Variants in BEGAIN observed in about 807,000 individuals in gnomAD.
BEGAIN encodes the protein brain-enriched guanylate kinase-associated protein.
Under a neutral mutation model 35.8 loss-of-function variants are expected in BEGAIN, and 19 were observed. The ratio of observed to expected loss-of-function variants is 0.53; its 90% CI spans 0.37 to 0.78. The LOEUF (loss-of-function observed/expected upper bound fraction) is 0.78, where lower values mean the gene tolerates loss of function less well. BEGAIN is among the 30% of genes least tolerant of loss of function. BEGAIN has a pLI of 0.00. For missense variants in BEGAIN, 795 were observed against 853.6 expected, an observed-to-expected ratio of 0.93 and a Z score of 0.85; for synonymous variants, 462 against 388.6, an observed-to-expected ratio of 1.19 and a Z score of -2.22.
chr14:100,586,033 G>A lies in BEGAIN; in HGVS notation c.42+1216C>T, dbSNP rs1334444710. On this transcript the variant is annotated intron_variant, in intron 1 of 6. Transcript: ENST00000554140. This position sits in a 1 kb window ranked among gnomAD's most constrained non-coding sequence, Gnocchi z 4.9. ...CTGGGGCCCTCTCTGCCGTCTCCCC[G>A]CCCTGCGTGTCACAGATGCCAGGCA... Among the ~76,000 whole-genome samples the A allele has an allele frequency of 6.6e-6, 1 of 152,202 alleles. No individual in the cohort carries two copies. The highest frequency in any genetic ancestry group is 2.4e-5 in the African/African-American group (1 of 41,464).
chr14:100,538,429 G>A lies in BEGAIN; in HGVS notation c.1379C>T (p.Pro460Leu), dbSNP rs1266598895. ...GTAGTAGCGTTCAGAGAAGCTGCAG[G>A]GTGAGGCGCGGCCGGCAGCGCTCAC... Reference protein sequence around the residue: ...YPVSAAGRASPCSFSERYYGG... With the variant: ...YPVSAAGRASLCSFSERYYGG... The change falls in exon 7 of 7, where the codon CCC becomes CTC. Residue 460 changes from proline to leucine, a missense_variant. This residue lies in a region of BEGAIN where 664 missense variants were observed against 647.7 expected (regional missense o/e 1.03). Transcript: ENST00000554140. 6 of 1,586,552 alleles carry A rather than the reference G, an allele frequency of 3.8e-6. No individual in the cohort carries two copies. Among genetic ancestry groups the A allele is most frequent in the African/African-American group, 2.7e-5 (2 of 73,444 alleles).
At chr14:100,572,392 G>A (rs904360189) in intron 1 of BEGAIN, among the ~76,000 whole-genome samples, 5 of 152,190 alleles carry the variant, frequency 3.3e-5, no homozygotes, top group Non-Finnish European at 7.3e-5. Context: ...GGTGAGGAGT[G>A]CCATGCCAAG....
At position 100,539,055 on chromosome 14, in the gene BEGAIN, G is replaced by A. The variant is rs2031125341; in HGVS notation, c.753C>T (p.Ala251=). The change falls in exon 7 of 7, where the codon GCC becomes GCT. Residue 251 remains alanine, a synonymous_variant. Coordinates refer to ENST00000554140, the MANE Select transcript of BEGAIN (RefSeq NM_001385089.1). ...GCCGCCGCTCCTCCGGGCAGTAGAG[G>A]GCTGTGTCACTGCAGTAGATGTCTC... ...YKGDIYCSDT[A]LYCPEERRRD... 1.9e-6 allele frequency: 3 copies of A among 1,612,530 alleles called. No homozygotes were observed. The highest frequency in any genetic ancestry group is 2.5e-6 in the Non-Finnish European group (3 of 1,179,642).
At chr14:100,564,116 C>T (rs868443345) in intron 2 of BEGAIN, among the ~76,000 whole-genome samples, 10 of 124,584 alleles carry the variant, frequency 8.0e-5, no homozygotes, top group Admixed American at 3.3e-4. Context: ...AGGGGCTGGC[C>T]GGGAGCAGGA....
At chr14:100,541,147 C>T (rs1434631620) in intron 5 of BEGAIN, among the ~76,000 whole-genome samples, 3 of 152,260 alleles carry the variant, frequency 2.0e-5, no homozygotes, top group Non-Finnish European at 2.9e-5. Flanking sequence ...CCCAGGCGGG[C>T]GCTGGCTCAG....
Position 100,558,044 on chromosome 14 carries a change from C to T in BEGAIN, c.71+9867G>A, listed in dbSNP as rs2033915277. Among the ~76,000 whole-genome samples the T allele has an allele frequency of 6.6e-6, 1 of 152,170 alleles. No individual in the cohort carries two copies. The highest frequency in any genetic ancestry group is 1.5e-5 in the Non-Finnish European group (1 of 68,028). ...TGGCTTCCCCCAGCTGCAGGTGGGGCTCCAGCTAGTCTCCCTCGCTCCTGA... is the reference window on the plus strand; with the variant it reads ...TGGCTTCCCCCAGCTGCAGGTGGGGTTCCAGCTAGTCTCCCTCGCTCCTGA... On this transcript the variant is annotated intron_variant, in intron 2 of 6. Coordinates refer to ENST00000554140, the MANE Select transcript of BEGAIN (RefSeq NM_001385089.1). This position sits in a 1 kb window ranked among gnomAD's most constrained non-coding sequence, Gnocchi z 4.6.
chr14:100,560,169 C>G (rs777766508), intron 2 of BEGAIN, among the ~76,000 whole-genome samples: 13 of 152,218 alleles, frequency 8.5e-5, no homozygotes, highest in Non-Finnish European at 1.9e-4. Flanking sequence ...GCTTGGCACT[C>G]AAGCTCTCAG....
In BEGAIN at chr14:100,537,894, G is replaced by C. The variant is rs973852779; in HGVS notation, c.*75C>G. On this transcript the variant is annotated 3_prime_UTR_variant, in exon 7 of 7. Coordinates refer to ENST00000554140, the MANE Select transcript of BEGAIN (RefSeq NM_001385089.1). ...GGGCAGGGGAACAGCGGGGGCTGGGGAGAGGTGAGGCCGGCCCTTCTGGGG... is the reference window on the plus strand; with the variant it reads ...GGGCAGGGGAACAGCGGGGGCTGGGCAGAGGTGAGGCCGGCCCTTCTGGGG... 6.7e-7 allele frequency: 1 copy of C among 1,503,666 alleles called. No individual in the cohort carries two copies. Among genetic ancestry groups the C allele is most frequent in the Non-Finnish European group, 8.9e-7 (1 of 1,125,168 alleles). The allele number at this position is 1,503,666 out of a possible 1,614,324, so 93.1% of individuals were successfully genotyped here.
intron 2 of BEGAIN, among the ~76,000 whole-genome samples, chr14:100,560,175 C>T (rs753931344): frequency 1.3e-5 from 2 of 152,220 alleles, no homozygotes; most frequent in Admixed American, 6.5e-5. Flanking sequence ...CACTCAAGCT[C>T]TCAGAGCCTC....
rs77385524 is a variant in BEGAIN at position 100,576,735 on chromosome 14, C to T, written c.43-8796G>A. The stretch of plus-strand genomic sequence containing the variant: ...GCCCCTGGATGAGGTCCCATTTGCC[C>T]GACGCTCTGCACAGCTCCATCACCA... On this transcript the variant is annotated intron_variant, in intron 1 of 6. Coordinates refer to ENST00000554140, the MANE Select transcript of BEGAIN (RefSeq NM_001385089.1). Among the ~76,000 whole-genome samples the T allele has an allele frequency of 3.4e-3, 513 of 152,284 alleles. 8 individuals are homozygous for T. The highest frequency in any genetic ancestry group is 0.032 in the East Asian group (168 of 5,182).
intron 1 of BEGAIN, among the ~76,000 whole-genome samples, chr14:100,578,321 G>A (rs577201082): frequency 9.2e-5 from 14 of 152,366 alleles, no homozygotes; most frequent in African/African-American, 3.4e-4. Context: ...GTGCGGTGCA[G>A]GGTGCAGGGG....
chr14:100,581,898 G>T (rs1469705561), intron 1 of BEGAIN, among the ~76,000 whole-genome samples: 2 of 152,220 alleles, frequency 1.3e-5, no homozygotes, highest in South Asian at 4.1e-4. Context: ...CCTGCCGAGT[G>T]GGCAGGCATG....
At chr14:100,557,150 C>T (rs1006325730) in intron 2 of BEGAIN, among the ~76,000 whole-genome samples, 7 of 149,280 alleles carry the variant, frequency 4.7e-5, no homozygotes, top group Non-Finnish European at 8.8e-5. Context: ...CAGCCACACC[C>T]GAGTCAGGGC....
At position 100,538,657 on chromosome 14, in the gene BEGAIN, G is replaced by T; in HGVS notation, c.1151C>A (p.Ala384Asp). 6.5e-7 allele frequency: 1 copy of T among 1,550,326 alleles called. No homozygotes were observed. Among genetic ancestry groups the T allele is most frequent in the Non-Finnish European group, 8.7e-7 (1 of 1,146,790 alleles). The change falls in exon 7 of 7, where the codon GCC becomes GAC. Residue 384 changes from alanine (A) to aspartate (D), a missense_variant. Physicochemically the swap from Ala to Asp is moderately radical, Grantham distance 126 (BLOSUM62 -2). Around this residue, in one of 3 missense-constraint regions of BEGAIN, gnomAD observed 664 missense variants for 647.7 expected, o/e 1.03. Coordinates refer to ENST00000554140, the MANE Select transcript of BEGAIN (RefSeq NM_001385089.1). ...TGACATGGTCCGCCCGAAGCCTGGG[G>T]CCACTTCGGCCTCCAGCGGGGCCGC... is the stretch of plus-strand genomic sequence containing the variant. ...AVAAPLEAEV[A>D]PGFGRTMSPY...
chr14:100,543,867 T>C lies in BEGAIN; in HGVS notation c.399A>G (p.Ser133=), dbSNP rs4073549. Residue 133 remains serine (S), a synonymous_variant, in exon 5 of 7, where the codon TCA becomes TCG. Transcript: ENST00000554140. ...LEAKVTIDKL[S]EDNELYRKDC... ...TGTGTGCGGCACTCACGTTGTCCTC[T>C]GACAGCTTGTCGATGGTCACCTTGG... is the stretch of plus-strand genomic sequence containing the variant. The C allele has an allele frequency of 0.015, 23,975 of 1,613,220 alleles. 2,221 individuals are homozygous for C. In the African/African-American group the frequency reaches 0.23, roughly 15 times the overall value.
chr14:100,546,780 G>GCACACACACACACACA (rs879183769), intron 2 of BEGAIN, 118 bp from the exon 3 acceptor site: 2 of 343,796 alleles, frequency 5.8e-6, no homozygotes, highest in East Asian at 6.6e-5. Flanking sequence ...GCGCGCGCGC[G>GCACACACACACACACA]CACACACACA....
chr14:100,540,674 C>A, intron 5 of BEGAIN, 95 bp from the exon 6 acceptor site: 1 of 891,324 alleles, frequency 1.1e-6, no homozygotes, highest in Non-Finnish European at 1.8e-6. Context: ...CAGTGGTGTG[C>A]ACAGGGCCTG....
intron 1 of BEGAIN, among the ~76,000 whole-genome samples, chr14:100,571,880 G>A (rs977101647): frequency 3.3e-5 from 5 of 152,156 alleles, no homozygotes; most frequent in Admixed American, 1.3e-4. Flanking sequence ...CTGCACGGCC[G>A]GGGCCTCCCT....
At chr14:100,552,716 G>A (rs2033324928) in intron 2 of BEGAIN, among the ~76,000 whole-genome samples, 1 of 152,242 alleles carries the variant, frequency 6.6e-6, no homozygotes, top group South Asian at 2.1e-4. Flanking sequence ...GCTGTCAGCA[G>A]AGCCAGCGAT....
Sources: gnomAD v4.1 joint callset for allele counts (sites outside exome capture counted in the v4.1 genomes callset) on GRCh38, gnomAD v4.1.1 for gene constraint, gnomAD v4.1.1 regional missense constraint, Gnocchi (gnomAD v3.1) non-coding constraint, MANE v1.5 for transcripts, NCBI Gene and HGNC (gene_info 2026-07-23, HGNC 2026-07-21) for gene names.